APBB2: variants seen among roughly 807,000 people sequenced by gnomAD.
APBB2 encodes the protein Fe65-like 1.
In APBB2, 38 loss-of-function variants were observed where a neutral mutation model predicts 82.5. That is an observed-to-expected ratio of 0.46 (90% CI 0.36 to 0.60). APBB2 has a LOEUF of 0.60. Among genes scored for constraint, APBB2 ranks in the 20% least tolerant of loss-of-function variants. The probability of loss-of-function intolerance (pLI) is 0.00; values close to 1 mark genes in which losing one functional copy is unlikely to be tolerated. For synonymous variants in APBB2, 341 were observed against 368.2 expected (o/e 0.93, Z 0.85); for missense variants, 772 against 972.3 (o/e 0.79, Z 2.74).
At chr4:41,212,587 C>G (rs907736786) in intron 1 of APBB2, among the ~76,000 whole-genome samples, 4 of 152,190 alleles carry the variant, frequency 2.6e-5, no homozygotes, top group African/African-American at 9.7e-5. Context: ...ACCTAAAAAC[C>G]TTCTGTGGAA....
rs140718176 is a variant in APBB2 at position 40,820,665 on chromosome 4, C to CAATA, written c.2112+1202_2112+1205dup. Among the ~76,000 whole-genome samples, 589 of 151,950 alleles carry CAATA rather than the reference C, an allele frequency of 3.9e-3. 6 individuals are homozygous for CAATA. Among genetic ancestry groups the CAATA allele is most frequent in the African/African-American group, 0.013 (537 of 41,462 alleles). On this transcript the variant is annotated intron_variant, in intron 17 of 17. Transcript: ENST00000508593. ...GGGCAACAAAAGCAAAACTTCATCT[C>CAATA]AATAAATAAATAAATAAATAATCTA...
At chr4:40,930,476 CGCGTATGCGTGT>C in intron 10 of APBB2, among the ~76,000 whole-genome samples, 1 of 137,798 alleles carries the variant, frequency 7.3e-6, no homozygotes, top group Non-Finnish European at 1.6e-5. Context: ...CGTGCGCGTG[CGCGTATGCGTGT>C]GTATGTGTGT....
intron 1 of APBB2, among the ~76,000 whole-genome samples, chr4:41,145,150 A>G (rs1483493651): frequency 6.6e-6 from 1 of 152,052 alleles, no homozygotes; most frequent in African/African-American, 2.4e-5. Flanking sequence ...TAAATAAAAG[A>G]ATGCCTCCTG....
chr4:40,873,970 T>C (rs1273580819), intron 12 of APBB2, among the ~76,000 whole-genome samples: 1 of 152,210 alleles, frequency 6.6e-6, no homozygotes, highest in Non-Finnish European at 1.5e-5. Flanking sequence ...AAAATTTATA[T>C]CCTATTTCCT....
At chr4:41,073,240 A>C (rs1189333635) in intron 3 of APBB2, among the ~76,000 whole-genome samples, 1 of 152,100 alleles carries the variant, frequency 6.6e-6, no homozygotes, top group East Asian at 1.9e-4. Context: ...CTACTCCTGA[A>C]TTTTCAGAGT....
In APBB2 at chr4:40,868,312, C is replaced by T. The variant is rs114711178; in HGVS notation, c.1529+22052G>A. Among the ~76,000 whole-genome samples, 403 of 152,362 alleles carry T rather than the reference C, an allele frequency of 2.6e-3. 1 individual carries two copies. Among genetic ancestry groups the T allele is most frequent in the African/African-American group, 9.3e-3 (388 of 41,596 alleles). ...GTTTGAAAAAGACCCACAGTGGATT[C>T]TGACATGCACTTGGATTTGAGCATC... On this transcript the variant is annotated intron_variant, in intron 12 of 17. Transcript: ENST00000508593.
rs1346818199 is a variant in APBB2, at chr4:40,826,896, T to C, written c.1732+236A>G. ...AAACGAAGGCAAAAACTAAAGACAA[T>C]ATTCTTTAATCTTGTCCAATAACAA... On this transcript the variant is annotated intron_variant, in intron 14 of 17. Coordinates refer to ENST00000508593, the MANE Select transcript of APBB2 (RefSeq NM_004307.2). This position sits in a 1 kb window ranked among gnomAD's most constrained non-coding sequence, Gnocchi z 4.5. The C allele has an allele frequency of 1.6e-5, 7 of 427,728 alleles. No individual in the cohort carries two copies. In the East Asian group the frequency reaches 2.8e-4, roughly 17 times the overall value. The allele number at this position is 427,728 out of a possible 1,614,324, so 26.5% of individuals were successfully genotyped here.
chr4:40,916,452 C>T (rs539153268), intron 10 of APBB2, among the ~76,000 whole-genome samples: 2 of 152,336 alleles, frequency 1.3e-5, no homozygotes, highest in South Asian at 2.1e-4. Context: ...ACTTCCCACC[C>T]GTTCTGCACA....
At chr4:40,902,360 G>A (rs183414305) in intron 10 of APBB2, among the ~76,000 whole-genome samples, 5 of 152,272 alleles carry the variant, frequency 3.3e-5, no homozygotes, top group South Asian at 2.1e-4. Flanking sequence ...TGAGGAAACC[G>A]GTTAAATGGC....
At chr4:40,870,734 C>CTTTT (rs34591003) in intron 12 of APBB2, among the ~76,000 whole-genome samples, 2 of 130,648 alleles carry the variant, frequency 1.5e-5, no homozygotes, top group African/African-American at 2.8e-5. Flanking sequence ...TATACACACT[C>CTTTT]TTTTTTTTTT....
At chr4:40,935,915 A>G (rs1396475767) in intron 7 of APBB2, among the ~76,000 whole-genome samples, 1 of 152,168 alleles carries the variant, frequency 6.6e-6, no homozygotes, top group Non-Finnish European at 1.5e-5. Context: ...TGCTCCATCC[A>G]CCTCAGACAA....
intron 12 of APBB2, among the ~76,000 whole-genome samples, chr4:40,870,416 C>G (rs747168407): frequency 4.6e-5 from 7 of 152,214 alleles, no homozygotes; most frequent in Non-Finnish European, 1.0e-4. Context: ...TCCATCTCTA[C>G]ACAAGAGGGC....
intron 1 of APBB2, among the ~76,000 whole-genome samples, chr4:41,170,929 T>C (rs1354022287): frequency 6.6e-6 from 1 of 152,166 alleles, no homozygotes; most frequent in Non-Finnish European, 1.5e-5. Context: ...TATGGATCAA[T>C]AAAAAGGAGG....
In APBB2 at chr4:40,826,985, G is replaced by T. The variant is rs183161059; in HGVS notation, c.1732+147C>A. 404 of 678,932 alleles carry T rather than the reference G, an allele frequency of 6.0e-4. No homozygotes were observed. In the African/African-American group the frequency reaches 6.5e-3, roughly 11 times the overall value. 42.1% of individuals were successfully genotyped at this position (678,932 alleles called of 1,614,324 possible). ...CAAAATCAACTCTGTGCCTCTGTGAGACCCAGCGTGCAGGCTCAACTTGTG... is the reference window on the plus strand; with the variant it reads ...CAAAATCAACTCTGTGCCTCTGTGATACCCAGCGTGCAGGCTCAACTTGTG... On this transcript the variant is annotated intron_variant, in intron 14 of 17. Coordinates refer to ENST00000508593, the MANE Select transcript of APBB2 (RefSeq NM_004307.2). The surrounding 1 kb of genome is among the most constrained non-coding windows in gnomAD (Gnocchi z 4.5).
At chr4:41,176,504 G>A (rs548855304) in intron 1 of APBB2, among the ~76,000 whole-genome samples, 2 of 151,260 alleles carry the variant, frequency 1.3e-5, no homozygotes, top group East Asian at 3.9e-4. Flanking sequence ...CCAGCCCAAA[G>A]GTCAAAAAAC....
At chr4:41,076,166 A>C (rs1508067) in intron 3 of APBB2, among the ~76,000 whole-genome samples, 23,526 of 152,192 alleles carry the variant, frequency 0.15, 2,009 homozygotes, top group Non-Finnish European at 0.19. Context: ...GACAAAACAT[A>C]AACGTCTATA....
rs1022090297 is a variant in APBB2 at position 41,059,321 on chromosome 4, C to G, written c.-51+6255G>C. Among the ~76,000 whole-genome samples the G allele has an allele frequency of 2.0e-5, 3 of 152,248 alleles. No individual in the cohort carries two copies. In the South Asian group the frequency reaches 6.2e-4, roughly 31 times the overall value. On this transcript the variant is annotated intron_variant, in intron 4 of 17. Transcript: ENST00000508593. The stretch of plus-strand genomic sequence containing the variant: ...ACTAAAAATACAAAAATTAGCCAGG[C>G]ATGGTGGCAGGCGCCTGTAATCCCA...
At chr4:41,159,955 G>GAGA (rs1184127216) in intron 1 of APBB2, among the ~76,000 whole-genome samples, 2 of 48,758 alleles carry the variant, frequency 4.1e-5, no homozygotes, top group Admixed American at 2.3e-4. Flanking sequence ...GAAGGAGAAG[G>GAGA]AGAAGGAGAA....
chr4:40,822,350 T>C (rs1245131646), intron 16 of APBB2: 6 of 285,352 alleles, frequency 2.1e-5, no homozygotes, highest in African/African-American at 2.2e-5. Context: ...GTGCCGTCCA[T>C]ACTTCTTACA....
Sources: gnomAD v4.1 joint callset for allele counts (sites outside exome capture counted in the v4.1 genomes callset) on GRCh38, gnomAD v4.1.1 for gene constraint, Gnocchi (gnomAD v3.1) non-coding constraint, MANE v1.5 for transcripts, NCBI Gene and HGNC (gene_info 2026-07-23, HGNC 2026-07-21) for gene names.